Variants in CYP20A1 observed in about 807,000 individuals in gnomAD.
The protein encoded by CYP20A1 is cytochrome P450 20A1.
In CYP20A1, 61 loss-of-function variants were observed where a neutral mutation model predicts 61.4. The observed-to-expected ratio is 0.99, with a 90% CI of 0.81 to 1.23. The LOEUF is 1.23. CYP20A1 is among the 50% of genes most tolerant of loss of function. The probability of loss-of-function intolerance (pLI) is 0.00; values close to 1 mark genes in which losing one functional copy is unlikely to be tolerated. For synonymous variants in CYP20A1, 193 were observed against 188.2 expected (o/e 1.03, Z -0.21); for missense variants, 530 against 542.4 (o/e 0.98, Z 0.23).
chr2:203,273,845 G>T (rs997738924), intron 6 of CYP20A1, among the ~76,000 whole-genome samples: 18 of 152,098 alleles, frequency 1.2e-4, no homozygotes, highest in African/African-American at 4.3e-4. Context: ...TACTCAAAAG[G>T]CTGAGGCATG....
At chr2:203,290,054 T>G (rs13025435) in intron 10 of CYP20A1, among the ~76,000 whole-genome samples, 178 bp downstream of exon 10, 1 of 151,938 alleles carries the variant, frequency 6.6e-6, no homozygotes, top group African/African-American at 2.4e-5. Context: ...GATTCTCCTG[T>G]CTCAGCCTCC....
Position 203,302,280 on chromosome 2 carries a change from A to C in CYP20A1, c.*5372A>C, listed in dbSNP as rs755986997. On this transcript the variant is annotated 3_prime_UTR_variant, in exon 13 of 13. Transcript: ENST00000356079. ...GCACAGTGACTCATGCCTATAACTC[A>C]AGCACTTTGGGAGTTCAAGGCGGCC... Among the ~76,000 whole-genome samples the C allele has an allele frequency of 2.0e-5, 3 of 152,166 alleles. No homozygotes were observed. Among genetic ancestry groups the C allele is most frequent in the African/African-American group, 7.2e-5 (3 of 41,438 alleles).
At chr2:203,275,729 C>T (rs1045838762) in intron 6 of CYP20A1, among the ~76,000 whole-genome samples, 1 of 152,114 alleles carries the variant, frequency 6.6e-6, no homozygotes, top group Non-Finnish European at 1.5e-5. Flanking sequence ...CGTGAGCCAC[C>T]GTGCCTGGGA....
At chr2:203,245,956 A>G in intron 2 of CYP20A1, 61 bp downstream of exon 2, 1 of 1,150,242 alleles carries the variant, frequency 8.7e-7, no homozygotes, top group South Asian at 1.4e-5. Flanking sequence ...TATCAAGACT[A>G]AACCATATTT....
chr2:203,243,335 G>C (rs898585919), intron 1 of CYP20A1, among the ~76,000 whole-genome samples: 1 of 151,540 alleles, frequency 6.6e-6, no homozygotes, highest in African/African-American at 2.4e-5. Flanking sequence ...GTAGAGACAG[G>C]GTTTCACTGT....
chr2:203,271,602 G>A (rs2067601608), intron 5 of CYP20A1, among the ~76,000 whole-genome samples: 1 of 152,096 alleles, frequency 6.6e-6, no homozygotes, highest in Admixed American at 6.6e-5. Flanking sequence ...AAATTTGGAA[G>A]CCTATTCTGC....
At chr2:203,257,970 T>G (rs940110911) in intron 4 of CYP20A1, among the ~76,000 whole-genome samples, 3 of 152,228 alleles carry the variant, frequency 2.0e-5, no homozygotes, top group South Asian at 2.1e-4. Flanking sequence ...GGCACAATTA[T>G]AGCTCACTGG....
chr2:203,285,879 CT>C (rs1233802358), intron 9 of CYP20A1, 147 bp downstream of exon 9: 1 of 699,464 alleles, frequency 1.4e-6, no homozygotes, highest in African/African-American at 1.9e-5. Flanking sequence ...GTAAATGAAT[CT>C]GCTTTTTAAA....
chr2:203,244,204 TC>T (rs1234741611), intron 1 of CYP20A1, among the ~76,000 whole-genome samples: 1 of 151,444 alleles, frequency 6.6e-6, no homozygotes, highest in Non-Finnish European at 1.5e-5. Context: ...CAGCAGTTTT[TC>T]CTTATTTTTC....
chr2:203,286,426 C>CACAGCAGTATTATTCAAA (rs2068273317), intron 9 of CYP20A1, among the ~76,000 whole-genome samples: 10 of 10,344 alleles, frequency 9.7e-4, no homozygotes, highest in Admixed American at 1.8e-3. Flanking sequence ...TGCATATATT[C>CACAGCAGTATTATTCAAA]ATAGCAAATT....
At chr2:203,251,063 CAAAAAAAAAA>C (rs35304069) in intron 3 of CYP20A1, among the ~76,000 whole-genome samples, 8 of 50,284 alleles carry the variant, frequency 1.6e-4, no homozygotes, top group Admixed American at 3.3e-4. Context: ...GATTCTGTCT[CAAAAAAAAAA>C]AAAAAAAAAA....
chr2:203,258,003 G>GTGGCACAATTATAGCTCACT, intron 4 of CYP20A1, among the ~76,000 whole-genome samples: 1 of 151,448 alleles, frequency 6.6e-6, no homozygotes, highest in African/African-American at 2.4e-5. Flanking sequence ...CTGGGCTGAA[G>GTGGCACAATTATAGCTCACT]GGATCCTCCT....
At chr2:203,292,714 C>G (rs576290123) in intron 11 of CYP20A1, among the ~76,000 whole-genome samples, 1 of 152,236 alleles carries the variant, frequency 6.6e-6, no homozygotes, top group South Asian at 2.1e-4. Context: ...CCACCTCTGC[C>G]TCCCAAAGTG....
At position 203,285,596 on chromosome 2, in the gene CYP20A1, A is replaced by G. The variant is rs760179457; in HGVS notation, c.851-16A>G. 6 of 1,546,772 alleles carry G rather than the reference A, an allele frequency of 3.9e-6. No individual in the cohort carries two copies. The highest frequency in any genetic ancestry group is 2.3e-5 in the East Asian group (1 of 43,498). ...GTTAGCTATTTTCATTGTTATTCAT[A>G]TAATGTTTGACCTAGTGTGTACCTG... On this transcript the variant is annotated splice_polypyrimidine_tract_variant and intron_variant, in intron 8 of 12. Coordinates refer to ENST00000356079, the MANE Select transcript of CYP20A1 (RefSeq NM_177538.3).
intron 4 of CYP20A1, among the ~76,000 whole-genome samples, chr2:203,258,470 T>C (rs1173923777): frequency 2.0e-5 from 3 of 152,142 alleles, no homozygotes; most frequent in East Asian, 1.9e-4. Flanking sequence ...ACTCACACTT[T>C]CCATTTAAGA....
chr2:203,247,802 A>G (rs1007799067), intron 3 of CYP20A1, among the ~76,000 whole-genome samples: 1 of 152,126 alleles, frequency 6.6e-6, no homozygotes, highest in Non-Finnish European at 1.5e-5. Context: ...GGTTGCAGTG[A>G]GCTGAGATCG....
chr2:203,244,878 G>A (rs1462905573), intron 1 of CYP20A1, among the ~76,000 whole-genome samples: 2 of 150,958 alleles, frequency 1.3e-5, no homozygotes, highest in Non-Finnish European at 3.0e-5. Flanking sequence ...GACTACAGGC[G>A]CCCGCCACAA....
chr2:203,281,209 A>C (rs936578480), intron 8 of CYP20A1, among the ~76,000 whole-genome samples: 35 of 152,206 alleles, frequency 2.3e-4, no homozygotes, highest in Non-Finnish European at 4.4e-4. Flanking sequence ...AAAAATACTT[A>C]AAGGAAGTAT....
chr2:203,303,156 A>G lies in CYP20A1; in HGVS notation c.*6248A>G, dbSNP rs1416624393. Among the ~76,000 whole-genome samples, 1 of 151,368 alleles carries G rather than the reference A, an allele frequency of 6.6e-6. No homozygotes were observed. The highest frequency in any genetic ancestry group is 1.5e-5 in the Non-Finnish European group (1 of 67,902). On this transcript the variant is annotated 3_prime_UTR_variant, in exon 13 of 13. Transcript: ENST00000356079. Reference sequence around the variant, plus strand: ...GCTGAGACTACGGGTATGTGCCACTACACTCAGCTAATTTTTGTATTTTTT... The same window carrying G: ...GCTGAGACTACGGGTATGTGCCACTGCACTCAGCTAATTTTTGTATTTTTT...
Sources: allele counts gnomAD v4.1 joint callset (sites outside exome capture counted in the v4.1 genomes callset), GRCh38; gene constraint gnomAD v4.1.1; transcripts MANE v1.5; gene names NCBI Gene and HGNC (gene_info 2026-07-23, HGNC 2026-07-21).